The following ASPHD2 variants were observed in gnomAD, a reference collection of about 807,000 sequenced individuals.
ASPHD2 encodes the protein aspartate beta-hydroxylase domain-containing protein 2.
ASPHD2 carries 12 observed loss-of-function variants against 34.6 expected under a neutral mutation model. The ratio of observed to expected loss-of-function variants is 0.35; its 90% CI spans 0.22 to 0.56. The LOEUF is 0.56. Ranked by LOEUF, ASPHD2 falls within the 20% of genes least tolerant of loss-of-function variation. The pLI is 0.87. For synonymous variants in ASPHD2, 224 were observed against 212.2 expected (o/e 1.06, Z -0.48); for missense variants, 375 against 505.0 (o/e 0.74, Z 2.47).
In ASPHD2 at chr22:26,443,435, T is replaced by G; in HGVS notation, c.*229T>G. 2 of 481,454 alleles carry G rather than the reference T, an allele frequency of 4.2e-6. No homozygotes were observed. Among genetic ancestry groups the G allele is most frequent in the Non-Finnish European group, 7.5e-6 (2 of 267,486 alleles). 29.8% of individuals were successfully genotyped at this position (481,454 alleles called of 1,614,324 possible). On this transcript the variant is annotated 3_prime_UTR_variant, in exon 4 of 4. Coordinates refer to ENST00000215906, the MANE Select transcript of ASPHD2 (RefSeq NM_020437.5). The stretch of plus-strand genomic sequence containing the variant: ...ATTTTTTTTTTTTCCTTCCAATCAT[T>G]TGCTTCAGAGACTCCTTTCTGGCCT...
Position 26,434,607 on chromosome 22 carries a change from A to G in ASPHD2, c.886+106A>G, listed in dbSNP as rs1395821178. 3.0e-5 allele frequency: 39 copies of G among 1,306,816 alleles called. No individual in the cohort carries two copies. In the South Asian group the frequency reaches 4.9e-4, roughly 17 times the overall value. 81.0% of individuals were successfully genotyped at this position (1,306,816 alleles called of 1,614,324 possible). On this transcript the variant is annotated intron_variant, in intron 2 of 3. Transcript: ENST00000215906. ...AATGGTCAGAATTGCGCCTTTTCGC[A>G]TTGTTCACTTTTAGCAAAAACTGAT... is the stretch of plus-strand genomic sequence containing the variant.
Position 26,434,483 on chromosome 22 carries a change from C to A in ASPHD2, c.868C>A (p.Arg290Ser). Residue 290 changes from arginine to serine, a missense_variant, in exon 2 of 4, where the codon CGC becomes AGC. Physicochemically the swap from Arg to Ser is moderately radical, Grantham distance 110 (BLOSUM62 -1). Transcript: ENST00000215906. ...ITEHYGPTNI[R>S]IRCHLGLKTP... ...GGAGCACTATGGACCCACCAACATC[C>A]GCATCCGATGCCATTTAGGTATGTT... The A allele has an allele frequency of 6.3e-7, 1 of 1,590,322 alleles. No homozygotes were observed. Among genetic ancestry groups the A allele is most frequent in the South Asian group, 1.1e-5 (1 of 90,070 alleles).
At position 26,434,285 on chromosome 22, in the gene ASPHD2, C is replaced by G; in HGVS notation, c.670C>G (p.Pro224Ala). The G allele has an allele frequency of 6.2e-7, 1 of 1,614,216 alleles. No individual in the cohort carries two copies. The change falls in exon 2 of 4, where the codon CCC becomes GCC. Residue 224 changes from proline to alanine, a missense_variant. By Grantham distance (27) the Pro-to-Ala change is conservative (BLOSUM62 -1). This residue lies in a region of ASPHD2 where 142 missense variants were observed against 217.9 expected (regional missense o/e 0.65). Coordinates refer to ENST00000215906, the MANE Select transcript of ASPHD2 (RefSeq NM_020437.5). ...LPQGWKMNSTPSGEWFTFYLV... is the reference protein window; with the variant it reads ...LPQGWKMNSTASGEWFTFYLV... ...GCAAGGATGGAAAATGAACAGCACC[C>G]CCAGCGGGGAGTGGTTCACCTTTTA... is the stretch of plus-strand genomic sequence containing the variant.
In ASPHD2 at chr22:26,442,880, C is replaced by T. The variant is rs117327051; in HGVS notation, c.1001-217C>T. 3.5e-3 allele frequency among the ~76,000 whole-genome samples: 540 copies of T among 152,244 alleles called. 14 individuals are homozygous for T. In the East Asian group the frequency reaches 0.065, roughly 18 times the overall value. ...GCCGTAAAAATTCCCACTTAAAGAT[C>T]CCTCCATCTCCCCATTTCCTTTTGT... On this transcript the variant is annotated intron_variant, in intron 3 of 3. Transcript: ENST00000215906.
chr22:26,433,780 C>A lies in ASPHD2; in HGVS notation c.165C>A (p.Asp55Glu), dbSNP rs752650440. The stretch of plus-strand genomic sequence containing the variant: ...CCACCGGCATCCAGTCCGTGCGGGA[C>A]TGCGACACCACCGCTGTCATCACTG... ...CIATGIQSVR[D>E]CDTTAVITVA... Residue 55 changes from aspartate (D) to glutamate (E), a missense_variant, in exon 2 of 4, where the codon GAC (aspartate) becomes GAA (glutamate). Asp to Glu is a conservative substitution (Grantham distance 45). Around this residue, in one of 3 missense-constraint regions of ASPHD2, gnomAD observed 223 missense variants for 257.8 expected, o/e 0.87. Coordinates refer to ENST00000215906, the MANE Select transcript of ASPHD2 (RefSeq NM_020437.5). The surrounding 1 kb of genome is among the most constrained non-coding windows in gnomAD (Gnocchi z 5.1). 1.9e-5 allele frequency: 30 copies of A among 1,613,782 alleles called. No individual in the cohort carries two copies. The highest frequency in any genetic ancestry group is 4.0e-5 in the African/African-American group (3 of 74,928).
rs1199928377 is a variant in ASPHD2, at chr22:26,433,983, A to G, written c.368A>G (p.Asn123Ser). Residue 123 changes from asparagine to serine, a missense_variant, in exon 2 of 4, where the codon AAC becomes AGC. Transcript: ENST00000215906. The surrounding 1 kb of genome is among the most constrained non-coding windows in gnomAD (Gnocchi z 5.1). ...CVRCTHNEGL[N>S]QKLYHNLQEY... ...CGCTGCACCCACAACGAGGGCCTCA[A>G]CCAGAAGCTGTACCACAACCTGCAG... 1.9e-6 allele frequency: 3 copies of G among 1,613,296 alleles called. No homozygotes were observed. The African/African-American group carries it at 4.0e-5, about 22-fold the overall frequency.
chr22:26,442,772 T>TCA (rs2084860314), intron 3 of ASPHD2, among the ~76,000 whole-genome samples, 200 bp downstream of exon 3: 1 of 152,174 alleles, frequency 6.6e-6, no homozygotes, highest in Non-Finnish European at 1.5e-5. Context: ...TCACTCTTGG[T>TCA]GTTGTCCATC....
chr22:26,443,258 A>T lies in ASPHD2; in HGVS notation c.*52A>T. 1 of 1,480,738 alleles carries T rather than the reference A, an allele frequency of 6.8e-7. No individual in the cohort carries two copies. The highest frequency in any genetic ancestry group is 1.7e-4 in the Middle Eastern group (1 of 5,810). The allele number at this position is 1,480,738 out of a possible 1,614,324, so 91.7% of individuals were successfully genotyped here. On this transcript the variant is annotated 3_prime_UTR_variant, in exon 4 of 4. Coordinates refer to ENST00000215906, the MANE Select transcript of ASPHD2 (RefSeq NM_020437.5). The stretch of plus-strand genomic sequence containing the variant: ...AGAAGGGCCGAGGCGGGGCCTGGGC[A>T]GACTGTGGTCCGGTCCAGTCCCTAC...
chr22:26,437,464 A>G lies in ASPHD2; in HGVS notation c.886+2963A>G, dbSNP rs1483522302. ...CCTAGTCCCGACTTCATATGGGACC[A>G]CAGGACAGCTTCAGGCCCACCCCCC... On this transcript the variant is annotated intron_variant, in intron 2 of 3. Transcript: ENST00000215906. Among the ~76,000 whole-genome samples the G allele has an allele frequency of 2.6e-5, 4 of 152,210 alleles. No individual in the cohort carries two copies. In the East Asian group the frequency reaches 7.7e-4, roughly 29 times the overall value.
intron 1 of ASPHD2, among the ~76,000 whole-genome samples, chr22:26,431,215 C>CT (rs1441678361): frequency 2.0e-5 from 3 of 152,270 alleles, no homozygotes; most frequent in Middle Eastern, 3.4e-3. Context: ...TTCAGGAACT[C>CT]TGAGGTTCTG....
In ASPHD2 at chr22:26,434,212, G is replaced by A. The variant is rs531217234; in HGVS notation, c.597G>A (p.Leu199=). 4.2e-5 allele frequency: 67 copies of A among 1,613,922 alleles called. No individual in the cohort carries two copies. The highest frequency in any genetic ancestry group is 5.6e-5 in the Non-Finnish European group (66 of 1,179,994). ...TGGAACGGAACTTCCAGACCATCCT[G>A]TGTGAGTTTGAGACCCTCTACAAAG... ...EVLERNFQTI[L]CEFETLYKAF... The change falls in exon 2 of 4, where the codon CTG becomes CTA. Residue 199 remains leucine, a synonymous_variant. Coordinates refer to ENST00000215906, the MANE Select transcript of ASPHD2 (RefSeq NM_020437.5).
chr22:26,433,371 G>A lies in ASPHD2; in HGVS notation c.-224-21G>A. On this transcript the variant is annotated intron_variant, in intron 1 of 3. Coordinates refer to ENST00000215906, the MANE Select transcript of ASPHD2 (RefSeq NM_020437.5). This position sits in a 1 kb window ranked among gnomAD's most constrained non-coding sequence, Gnocchi z 5.1. The stretch of plus-strand genomic sequence containing the variant: ...CTTTTCCAGGTGTAAAATTTATGCT[G>A]ATTTTTTTTTTCCATCCCAGGTTTG... 2.3e-6 allele frequency: 1 copy of A among 428,820 alleles called. No homozygotes were observed. Among genetic ancestry groups the A allele is most frequent in the East Asian group, 4.1e-5 (1 of 24,580 alleles). 26.6% of individuals were successfully genotyped at this position (428,820 alleles called of 1,614,324 possible). A position where few individuals can be genotyped will look rare whatever the true frequency, so the allele number is the denominator to read the frequency against.
intron 2 of ASPHD2, among the ~76,000 whole-genome samples, chr22:26,437,809 C>T (rs2084801571): frequency 6.6e-6 from 1 of 152,236 alleles, no homozygotes; most frequent in African/African-American, 2.4e-5. Context: ...CTCTACCCTC[C>T]TTCCTGCCTC....
At chr22:26,438,417 A>G (rs1601703042) in intron 2 of ASPHD2, among the ~76,000 whole-genome samples, 1 of 151,366 alleles carries the variant, frequency 6.6e-6, no homozygotes, top group East Asian at 1.9e-4. Flanking sequence ...GGATATATAT[A>G]TACACACAGA....
chr22:26,444,895 A>G lies in ASPHD2; in HGVS notation c.*1689A>G, dbSNP rs1207797649. ...TCACTGAGGTGCATGATTTCTACACATCGTGACTGCTCTGCTCTGCGTTTA... is the reference window on the plus strand; with the variant it reads ...TCACTGAGGTGCATGATTTCTACACGTCGTGACTGCTCTGCTCTGCGTTTA... On this transcript the variant is annotated 3_prime_UTR_variant, in exon 4 of 4. Coordinates refer to ENST00000215906, the MANE Select transcript of ASPHD2 (RefSeq NM_020437.5). 2 of 152,230 alleles carry G rather than the reference A, an allele frequency of 1.3e-5. No individual in the cohort carries two copies. The highest frequency in any genetic ancestry group is 4.8e-5 in the African/African-American group (2 of 41,470). 9.4% of individuals were successfully genotyped at this position (152,230 alleles called of 1,614,324 possible).
chr22:26,434,066 G>T lies in ASPHD2; in HGVS notation c.451G>T (p.Glu151Ter). 6.2e-7 allele frequency: 1 copy of T among 1,613,402 alleles called. No individual in the cohort carries two copies. Residue 151 changes from glutamate (E) to a stop codon, truncating the protein, a stop_gained, in exon 2 of 4, where the codon GAG becomes TAG. Transcript: ENST00000215906. LOFTEE classifies it high-confidence loss of function. ...GMGRIHKGIREQGRYLNSRPS... is the reference protein window; with the variant it reads ...GMGRIHKGIR ...GGGCCGCATCCACAAGGGCATCCGC[G>T]AGCAGGGCCGGTACCTCAACAGCCG... is the stretch of plus-strand genomic sequence containing the variant.
rs752831013 is a variant in ASPHD2, at chr22:26,434,038, C to A, written c.423C>A (p.Gly141=). The stretch of plus-strand genomic sequence containing the variant: ...ACGCCAAGCGCTACTCCTGGTCCGG[C>A]ATGGGCCGCATCCACAAGGGCATCC... The part of the protein sequence containing the change: ...QEYAKRYSWS[G]MGRIHKGIRE... The change falls in exon 2 of 4, where the codon GGC becomes GGA. Residue 141 remains glycine, a synonymous_variant. Transcript: ENST00000215906. 1.2e-6 allele frequency: 2 copies of A among 1,613,372 alleles called. No homozygotes were observed. Among genetic ancestry groups the A allele is most frequent in the Non-Finnish European group, 1.7e-6 (2 of 1,180,004 alleles).
rs775811244 is a variant in ASPHD2, at chr22:26,433,754, G to A, written c.139G>A (p.Ala47Thr). ...WSLDGLRDCI[A>T]TGIQSVRDCD... ...GCTGGATGGCCTGAGGGACTGCATC[G>A]CCACCGGCATCCAGTCCGTGCGGGA... The change falls in exon 2 of 4, where the codon GCC becomes ACC. Residue 47 changes from alanine (A) to threonine (T), a missense_variant. Around this residue, in one of 3 missense-constraint regions of ASPHD2, gnomAD observed 223 missense variants for 257.8 expected, o/e 0.87. Coordinates refer to ENST00000215906, the MANE Select transcript of ASPHD2 (RefSeq NM_020437.5). The surrounding 1 kb of genome is among the most constrained non-coding windows in gnomAD (Gnocchi z 5.1). 5 of 1,613,606 alleles carry A rather than the reference G, an allele frequency of 3.1e-6. No homozygotes were observed. The highest frequency in any genetic ancestry group is 2.7e-5 in the African/African-American group (2 of 75,044).
chr22:26,433,614 G>A lies in ASPHD2; in HGVS notation c.-2G>A. ...CGCTCCTTCCCCCCCACGCTAATCT[G>A]CATGGTGTGGGCGCCCTTGGGACCC... is the stretch of plus-strand genomic sequence containing the variant. On this transcript the variant is annotated 5_prime_UTR_variant, in exon 2 of 4. Coordinates refer to ENST00000215906, the MANE Select transcript of ASPHD2 (RefSeq NM_020437.5). This position sits in a 1 kb window ranked among gnomAD's most constrained non-coding sequence, Gnocchi z 5.1. The A allele has an allele frequency of 6.2e-7, 1 of 1,612,242 alleles. No individual in the cohort carries two copies. The highest frequency in any genetic ancestry group is 1.1e-5 in the South Asian group (1 of 90,926).
Sources: allele counts gnomAD v4.1 joint callset (sites outside exome capture counted in the v4.1 genomes callset), GRCh38; gene constraint gnomAD v4.1.1; regional missense constraint gnomAD v4.1.1; non-coding constraint Gnocchi (gnomAD v3.1); transcripts MANE v1.5; gene names NCBI Gene and HGNC (gene_info 2026-07-23, HGNC 2026-07-21).